The following ASAP1 variants were observed in gnomAD, a reference collection of about 807,000 sequenced individuals.
ASAP1 encodes the protein ArfGAP with SH3 domain, ankyrin repeat and PH domain 1.
In ASAP1, 43 loss-of-function variants were observed where a neutral mutation model predicts 145.2. The ratio of observed to expected loss-of-function variants is 0.30; its 90% confidence interval spans 0.23 to 0.38. The LOEUF is 0.38. ASAP1 is among the 10% of genes least tolerant of loss of function. The pLI is 1.00. For synonymous variants in ASAP1, 546 were observed against 515.5 expected, an observed-to-expected ratio of 1.06 and a Z score of -0.80; for missense variants, 1,018 against 1,355.3, an observed-to-expected ratio of 0.75 and a Z score of 3.91.
At chr8:130,234,245 T>C (rs1818079635) in intron 4 of ASAP1, among the ~76,000 whole-genome samples, 1 of 152,190 alleles carries the variant, frequency 6.6e-6, no homozygotes, top group Non-Finnish European at 1.5e-5. Context: ...CATATACGGC[T>C]GTTAAGTTCT....
intron 3 of ASAP1, among the ~76,000 whole-genome samples, chr8:130,300,907 G>C (rs903086393): frequency 6.6e-6 from 1 of 152,078 alleles, no homozygotes; most frequent in Non-Finnish European, 1.5e-5. Context: ...TCTCTAAGAA[G>C]GGGGGCTCCC....
In ASAP1 at chr8:130,205,630, C is replaced by A. The variant is rs114446079; in HGVS notation, c.405+8926G>T. Among the ~76,000 whole-genome samples, 410 of 127,604 alleles carry A rather than the reference C, an allele frequency of 3.2e-3. 1 individual carries two copies. The highest frequency in any genetic ancestry group is 0.012 in the African/African-American group (394 of 33,668). 83.7% of individuals were successfully genotyped at this position (127,604 alleles called of 152,430 possible). A position where few individuals can be genotyped will look rare whatever the true frequency, so the allele number is the denominator to read the frequency against. ...TTTTTAGCTTAAACTCACTTAATAGCAAAACCTGTTCTGACTCCATTTGGT... is the reference window on the plus strand; with the variant it reads ...TTTTTAGCTTAAACTCACTTAATAGAAAAACCTGTTCTGACTCCATTTGGT... On this transcript the variant is annotated intron_variant, in intron 5 of 29. Coordinates refer to ENST00000518721, the MANE Select transcript of ASAP1 (RefSeq NM_018482.4).
chr8:130,167,063 G>T (rs1055926195), intron 11 of ASAP1, among the ~76,000 whole-genome samples: 4 of 152,136 alleles, frequency 2.6e-5, no homozygotes, highest in Non-Finnish European at 5.9e-5. Flanking sequence ...CAGAATTTTG[G>T]GAGGCCGAGG....
At chr8:130,186,835 T>G (rs1470903550) in intron 7 of ASAP1, among the ~76,000 whole-genome samples, 2 of 152,220 alleles carry the variant, frequency 1.3e-5, no homozygotes, top group African/African-American at 2.4e-5. Flanking sequence ...GTGCACGTCC[T>G]GGCAGGCACC....
intron 5 of ASAP1, among the ~76,000 whole-genome samples, chr8:130,202,757 GGA>G (rs1815949529): frequency 6.6e-5 from 10 of 152,268 alleles, no homozygotes; most frequent in Admixed American, 6.5e-4. Context: ...ACCTAGCTTG[GGA>G]GGTGGTGGAG....
At chr8:130,200,309 A>C (rs1305455172) in intron 5 of ASAP1, among the ~76,000 whole-genome samples, 2 of 152,224 alleles carry the variant, frequency 1.3e-5, no homozygotes, top group African/African-American at 4.8e-5. Context: ...GGCATTCTAT[A>C]CAGTTTTTAG....
rs1818286072 is a variant in ASAP1, at chr8:130,237,520, G to A, written c.187-526C>T. ...AGTGTTAAAAAAAAAAATTAGTTAT[G>A]ACATATGGCAGTTGAATTTTGGCAA... On this transcript the variant is annotated intron_variant, in intron 3 of 29. Transcript: ENST00000518721. 2.0e-5 allele frequency among the ~76,000 whole-genome samples: 3 copies of A among 151,920 alleles called. No individual in the cohort carries two copies. The South Asian group carries it at 6.2e-4, about 32-fold the overall frequency.
intron 3 of ASAP1, among the ~76,000 whole-genome samples, chr8:130,347,477 T>A (rs186512895): frequency 1.3e-3 from 205 of 152,342 alleles, no homozygotes; most frequent in Non-Finnish European, 2.2e-3. Flanking sequence ...ATCATTTACA[T>A]TTAACTGTCA....
intron 2 of ASAP1, among the ~76,000 whole-genome samples, chr8:130,376,482 C>T (rs1827498895): frequency 6.6e-6 from 1 of 152,178 alleles, no homozygotes; most frequent in Non-Finnish European, 1.5e-5. Flanking sequence ...AATCCCAACA[C>T]TTTGGGAGGC....
chr8:130,106,670 C>G (rs529122742), intron 24 of ASAP1, among the ~76,000 whole-genome samples: 1 of 152,224 alleles, frequency 6.6e-6, no homozygotes, highest in South Asian at 2.1e-4. Context: ...ATGCATCTGA[C>G]GAGTACTGAC....
intron 2 of ASAP1, among the ~76,000 whole-genome samples, chr8:130,378,943 T>TA (rs1445942785): frequency 5.3e-5 from 8 of 152,188 alleles, no homozygotes; most frequent in Admixed American, 2.6e-4. Flanking sequence ...TGTGGTATCA[T>TA]AAAAAATAGA....
rs78248338 is a variant in ASAP1, at chr8:130,198,705, C to T, written c.406-10522G>A. Among the ~76,000 whole-genome samples the T allele has an allele frequency of 2.3e-3, 350 of 152,224 alleles. 1 individual carries two copies. Among genetic ancestry groups the T allele is most frequent in the African/African-American group, 8.3e-3 (344 of 41,528 alleles). ...GGCTTAGAGAGGTTAAGTAACTCGCCCAAGGTCAAACAGTGAGTAAAGCAG... is the reference window on the plus strand; with the variant it reads ...GGCTTAGAGAGGTTAAGTAACTCGCTCAAGGTCAAACAGTGAGTAAAGCAG... On this transcript the variant is annotated intron_variant, in intron 5 of 29. Transcript: ENST00000518721.
At chr8:130,230,927 G>GT (rs1313876132) in intron 4 of ASAP1, among the ~76,000 whole-genome samples, 1 of 152,080 alleles carries the variant, frequency 6.6e-6, no homozygotes, top group Non-Finnish European at 1.5e-5. Flanking sequence ...TGACACCATG[G>GT]TAAGACACCG....
intron 3 of ASAP1, among the ~76,000 whole-genome samples, chr8:130,294,869 C>T (rs901628618): frequency 6.6e-6 from 1 of 152,120 alleles, no homozygotes; most frequent in Non-Finnish European, 1.5e-5. Context: ...TAGTAAGATG[C>T]CTTCTTTTTA....
At chr8:130,172,538 A>G (rs1289075342) in intron 9 of ASAP1, among the ~76,000 whole-genome samples, 1 of 152,166 alleles carries the variant, frequency 6.6e-6, no homozygotes, top group African/African-American at 2.4e-5. Flanking sequence ...CCAATATGGT[A>G]GCCACTAGTC....
intron 3 of ASAP1, among the ~76,000 whole-genome samples, chr8:130,352,630 C>T (rs1460449156): frequency 6.6e-6 from 1 of 152,270 alleles, no homozygotes; most frequent in East Asian, 1.9e-4. Context: ...ATGACCTGGG[C>T]AGAATACTTA....
At chr8:130,433,108 C>G (rs1312137752) in intron 1 of ASAP1, among the ~76,000 whole-genome samples, 1 of 152,202 alleles carries the variant, frequency 6.6e-6, no homozygotes, top group Non-Finnish European at 1.5e-5. Context: ...TTGCTAACAG[C>G]TATTATGGGA....
rs202023029 is a variant in ASAP1 at position 130,139,752 on chromosome 8, C to CA, written c.1081-2715dup. 4.0e-3 allele frequency among the ~76,000 whole-genome samples: 564 copies of CA among 142,528 alleles called. 9 individuals are homozygous for CA. Among genetic ancestry groups the CA allele is most frequent in the Admixed American group, 0.023 (341 of 14,612 alleles). 93.5% of individuals were successfully genotyped at this position (142,528 alleles called of 152,430 possible). A position where few individuals can be genotyped will look rare whatever the true frequency, so the allele number is the denominator to read the frequency against. On this transcript the variant is annotated intron_variant, in intron 13 of 29. Transcript: ENST00000518721. ...ACTCCATCTCAAAAAAACAAACAAACAAAAAACAAAAAAAAAAAGAAAAAG... is the reference window on the plus strand; with the variant it reads ...ACTCCATCTCAAAAAAACAAACAAACAAAAAAACAAAAAAAAAAAGAAAAAG...
At chr8:130,318,919 CAGG>C (rs1315987780) in intron 3 of ASAP1, among the ~76,000 whole-genome samples, 1 of 152,144 alleles carries the variant, frequency 6.6e-6, no homozygotes, top group Non-Finnish European at 1.5e-5. Context: ...TGCCCTACTA[CAGG>C]AGAAGTGGGA....
Sources: gnomAD v4.1 joint callset for allele counts (sites outside exome capture counted in the v4.1 genomes callset) on GRCh38, gnomAD v4.1.1 for gene constraint, MANE v1.5 for transcripts, NCBI Gene and HGNC (gene_info 2026-07-23, HGNC 2026-07-21) for gene names.